The following PAK4 variants were observed in gnomAD, a reference collection of about 807,000 sequenced individuals.
PAK4 encodes serine/threonine-protein kinase PAK 4.
PAK4 carries 49 observed loss-of-function variants against 53.5 expected under a neutral mutation model. The ratio of observed to expected loss-of-function variants is 0.92; its 90% CI spans 0.73 to 1.16. The LOEUF (loss-of-function observed/expected upper bound fraction) is 1.16. Among genes scored for constraint, PAK4 ranks in the 50% most tolerant of loss-of-function variants. The probability of loss-of-function intolerance (pLI) is 0.00; values close to 1 mark genes in which losing one functional copy is unlikely to be tolerated. For missense variants in PAK4, 824 were observed against 850.7 expected, an observed-to-expected ratio of 0.97 and a Z score of 0.39; for synonymous variants, 376 against 375.6, an observed-to-expected ratio of 1.00 and a Z score of -0.01.
chr19:39,169,717 AC>A lies in PAK4; in HGVS notation c.168del (p.Ala57ProfsTer38). Reference sequence around the variant, plus strand: ...GCTCGCCGGCCCAAGCCCCTCGTCGACCCCGCCTGCATCACCTCCATCCAGC... The same window carrying A: ...GCTCGCCGGCCCAAGCCCCTCGTCGACCCGCCTGCATCACCTCCATCCAGC... On this transcript the variant is annotated frameshift_variant, in exon 2 of 9. Coordinates refer to ENST00000358301, the Ensembl canonical transcript of PAK4. LOFTEE classifies it high-confidence loss of function. 1.2e-6 allele frequency: 2 copies of A among 1,604,410 alleles called. No individual in the cohort carries two copies. The highest frequency in any genetic ancestry group is 1.7e-6 in the Non-Finnish European group (2 of 1,176,300).
chr19:39,176,110 C>T (rs909209506), intron 6 of PAK4, among the ~76,000 whole-genome samples: 2 of 152,162 alleles, frequency 1.3e-5, no homozygotes, highest in African/African-American at 2.4e-5. Context: ...TAGAAATCCT[C>T]AAAAATCGGA....
intron 1 of PAK4, among the ~76,000 whole-genome samples, chr19:39,160,628 A>G (rs963269056): frequency 2.6e-5 from 4 of 152,200 alleles, no homozygotes; most frequent in Admixed American, 6.5e-5. Context: ...TGAGTCCAAG[A>G]CATACACGGA....
At chr19:39,168,806 G>T (rs1159458714) in intron 1 of PAK4, 3 of 152,270 alleles carry the variant, frequency 2.0e-5, no homozygotes, top group African/African-American at 7.2e-5. Context: ...TTAACCCAGG[G>T]GATCAGTAAC....
At chr19:39,155,412 G>C (rs141707926) in intron 1 of PAK4, among the ~76,000 whole-genome samples, 4 of 152,266 alleles carry the variant, frequency 2.6e-5, no homozygotes, top group Non-Finnish European at 5.9e-5. Flanking sequence ...AGTGCACAGG[G>C]CTGGAGCCCA....
intron 7 of PAK4, 140 bp downstream of exon 8, chr19:39,176,855 C>A: frequency 1.0e-6 from 1 of 971,592 alleles, no homozygotes; most frequent in South Asian, 1.6e-5. Context: ...GTACTGCAGG[C>A]ATGCATGTAT....
At chr19:39,156,926 A>G (rs2074194178) in intron 1 of PAK4, 1 of 152,352 alleles carries the variant, frequency 6.6e-6, no homozygotes, top group Non-Finnish European at 1.5e-5. Context: ...GCCCCTGGCC[A>G]CTGGAGCCAG....
chr19:39,139,098 T>G (rs2073868490), intron 1 of PAK4, among the ~76,000 whole-genome samples: 1 of 152,184 alleles, frequency 6.6e-6, no homozygotes. Context: ...CTCCAGCAGC[T>G]TTGGCAGGGC....
At chr19:39,150,551 C>T (rs1453296478) in intron 1 of PAK4, among the ~76,000 whole-genome samples, 4 of 152,000 alleles carry the variant, frequency 2.6e-5, no homozygotes, top group Non-Finnish European at 2.9e-5. Context: ...CCACTCAGGC[C>T]CCTTGATTCC....
intron 1 of PAK4, among the ~76,000 whole-genome samples, chr19:39,126,164 C>T (rs1409687934): frequency 2.0e-5 from 3 of 151,694 alleles, no homozygotes; most frequent in African/African-American, 7.3e-5. Context: ...GGGGCGCGTT[C>T]GAGGGGTTCT....
At chr19:39,167,083 T>C (rs1027581394) in intron 1 of PAK4, among the ~76,000 whole-genome samples, 30 of 152,156 alleles carry the variant, frequency 2.0e-4, no homozygotes, top group Non-Finnish European at 4.4e-5. Context: ...CCGCCCGCCC[T>C]CCAGGCTGCT....
At chr19:39,153,618 T>C (rs889645715) in intron 1 of PAK4, among the ~76,000 whole-genome samples, 2 of 152,164 alleles carry the variant, frequency 1.3e-5, no homozygotes, top group African/African-American at 4.8e-5. Context: ...ATTTTTATAT[T>C]TTTAGTAGAG....
At chr19:39,133,312 G>A (rs1048880046) in intron 1 of PAK4, among the ~76,000 whole-genome samples, 3 of 152,182 alleles carry the variant, frequency 2.0e-5, no homozygotes, top group Non-Finnish European at 2.9e-5. Flanking sequence ...ACTAATAGCC[G>A]TATTATTAAT....
chr19:39,151,589 T>A (rs1283106567), intron 1 of PAK4, among the ~76,000 whole-genome samples: 3 of 152,180 alleles, frequency 2.0e-5, no homozygotes, highest in African/African-American at 7.2e-5. Context: ...GGGGACTGGC[T>A]CCAGACATCA....
chr19:39,174,053 C>T (rs1429951537), intron 4 of PAK4, 43 bp downstream of exon 5: 7 of 1,271,724 alleles, frequency 5.5e-6, no homozygotes, highest in Non-Finnish European at 5.4e-6. Flanking sequence ...TCCTCCCACC[C>T]CTCCCTCCCA....
chr19:39,154,538 C>G (rs896410883), intron 1 of PAK4, among the ~76,000 whole-genome samples: 4 of 152,166 alleles, frequency 2.6e-5, no homozygotes, highest in Non-Finnish European at 5.9e-5. Flanking sequence ...TGCCTTTTGT[C>G]TTTTGAACCG....
Position 39,175,075 on chromosome 19 carries a change from G to A in PAK4, c.1232+11G>A, listed in dbSNP as rs1490232421. On this transcript the variant is annotated intron_variant, in intron 5 of 8. Transcript: ENST00000358301. This position sits in a 1 kb window ranked among gnomAD's most constrained non-coding sequence, Gnocchi z 4.7. ...CGTCACCCACACCAGGTATTTCTGG[G>A]GCCTCAGACCCCTCCTGTGACACGA... 1 of 1,600,838 alleles carries A rather than the reference G, an allele frequency of 6.2e-7. No individual in the cohort carries two copies.
At chr19:39,133,912 T>C (rs1288051709) in intron 1 of PAK4, among the ~76,000 whole-genome samples, 1 of 149,966 alleles carries the variant, frequency 6.7e-6, no homozygotes, top group Non-Finnish European at 1.5e-5. Context: ...CCTCCCTCAC[T>C]GCGCCCACAG....
At chr19:39,134,136 C>T (rs187624276) in intron 1 of PAK4, among the ~76,000 whole-genome samples, 118 of 152,342 alleles carry the variant, frequency 7.7e-4, no homozygotes, top group Non-Finnish European at 1.3e-3. Flanking sequence ...CCTGGGCCCA[C>T]GTTATTTGAC....
At position 39,173,188 on chromosome 19, in the gene PAK4, A is replaced by T; in HGVS notation, c.475A>T (p.Arg159Trp). Reference sequence around the variant, plus strand: ...CAGGCGACGGGCGGGGCCAGAGAAGAGGCCCAAGTCTTCCAGGGAGGGCTC... The same window carrying T: ...CAGGCGACGGGCGGGGCCAGAGAAGTGGCCCAAGTCTTCCAGGGAGGGCTC... Residue 159 changes from arginine (R) to tryptophan (W), a missense_variant, in exon 3 of 9, where the codon AGG becomes TGG. Coordinates refer to ENST00000358301, the Ensembl canonical transcript of PAK4. This position sits in a 1 kb window ranked among gnomAD's most constrained non-coding sequence, Gnocchi z 6.9. The T allele has an allele frequency of 6.5e-7, 1 of 1,544,298 alleles. No individual in the cohort carries two copies. Among genetic ancestry groups the T allele is most frequent in the Middle Eastern group, 1.7e-4 (1 of 5,770 alleles).
Sources: allele counts gnomAD v4.1 joint callset (sites outside exome capture counted in the v4.1 genomes callset), GRCh38; gene constraint gnomAD v4.1.1; non-coding constraint Gnocchi (gnomAD v3.1); transcripts MANE v1.5; gene names NCBI Gene and HGNC (gene_info 2026-07-23, HGNC 2026-07-21).